MYCBP2: variants seen among roughly 807,000 people sequenced by gnomAD.
MYCBP2 encodes MYC binding protein 2, also known as E3 ubiquitin-protein ligase MYCBP2.
In MYCBP2, 120 loss-of-function variants were observed where a neutral mutation model predicts 525.3. That is an observed-to-expected ratio of 0.23 (90% CI 0.20 to 0.27). The LOEUF (loss-of-function observed/expected upper bound fraction) is 0.27. MYCBP2 is among the 10% of genes least tolerant of loss of function. MYCBP2 has a pLI of 1.00. For synonymous variants in MYCBP2, 1,894 were observed against 1,955.8 expected (o/e 0.97, Z 0.83); for missense variants, 4,149 against 5,657.1 (o/e 0.73, Z 8.55).
At chr13:77,055,094 A>C (rs1050798762) in intron 80 of MYCBP2, among the ~76,000 whole-genome samples, 18 of 152,032 alleles carry the variant, frequency 1.2e-4, no homozygotes, top group Non-Finnish European at 4.4e-5. Context: ...AGTAGGCAAG[A>C]ATGGAGCTCT....
chr13:77,296,211 C>T (rs548835553), intron 2 of MYCBP2, among the ~76,000 whole-genome samples: 14 of 152,078 alleles, frequency 9.2e-5, no homozygotes, highest in East Asian at 1.9e-4. Context: ...CTTGAGCCCA[C>T]GAGTTCGAGA....
At chr13:77,171,091 T>C (rs1042583900) in intron 38 of MYCBP2, among the ~76,000 whole-genome samples, 1 of 152,148 alleles carries the variant, frequency 6.6e-6, no homozygotes, top group South Asian at 2.1e-4. Context: ...GAAAAACTCA[T>C]AGAGCTGAAT....
intron 3 of MYCBP2, among the ~76,000 whole-genome samples, chr13:77,280,418 G>A (rs1206199884): frequency 6.6e-6 from 1 of 152,144 alleles, no homozygotes; most frequent in East Asian, 1.9e-4. Context: ...GTACTTACAG[G>A]AAAGAGAAAT....
intron 35 of MYCBP2, 98 bp downstream of exon 35, chr13:77,177,650 A>G (rs1447770159): frequency 1.0e-6 from 1 of 956,594 alleles, no homozygotes; most frequent in African/African-American, 1.6e-5. Flanking sequence ...GTCATTCATC[A>G]GTGATTGATC....
chr13:77,191,437 T>G (rs2061286749), intron 28 of MYCBP2, among the ~76,000 whole-genome samples: 1 of 152,328 alleles, frequency 6.6e-6, no homozygotes, highest in South Asian at 2.1e-4. Flanking sequence ...GTAAACAATG[T>G]AATACCCAGA....
chr13:77,229,195 T>C (rs565736560), intron 18 of MYCBP2, among the ~76,000 whole-genome samples: 5 of 152,356 alleles, frequency 3.3e-5, no homozygotes, highest in Non-Finnish European at 7.3e-5. Context: ...TTCCTATCTA[T>C]AATATAGCAA....
chr13:77,086,498 TG>T (rs1312160869), intron 62 of MYCBP2, among the ~76,000 whole-genome samples: 1 of 152,116 alleles, frequency 6.6e-6, no homozygotes, highest in Non-Finnish European at 1.5e-5. Flanking sequence ...TAATCAATTC[TG>T]GGAAATTCTC....
chr13:77,076,350 G>C (rs2042294503), intron 68 of MYCBP2, among the ~76,000 whole-genome samples: 1 of 152,164 alleles, frequency 6.6e-6, no homozygotes, highest in Non-Finnish European at 1.5e-5. Context: ...CTCCAGCAGA[G>C]AGAAAACTGC....
chr13:77,290,067 T>C (rs376268218), intron 2 of MYCBP2, among the ~76,000 whole-genome samples: 2 of 151,982 alleles, frequency 1.3e-5, no homozygotes, highest in East Asian at 1.9e-4. Context: ...GGGCAAAAGA[T>C]AGGAATAAAC....
chr13:77,297,755 C>A (rs901568005), intron 1 of MYCBP2, among the ~76,000 whole-genome samples: 33 of 152,280 alleles, frequency 2.2e-4, no homozygotes, highest in African/African-American at 6.7e-4. Context: ...AAATGTTATC[C>A]TTGACATTGC....
intron 56 of MYCBP2, 35 bp from the exon 57 acceptor site, chr13:77,096,516 C>G: frequency 2.5e-6 from 4 of 1,607,114 alleles, no homozygotes; most frequent in Non-Finnish European, 3.4e-6. Context: ...ATTTAACACT[C>G]CAAGTGTCCT....
intron 26 of MYCBP2, among the ~76,000 whole-genome samples, chr13:77,201,168 T>C (rs7997481): frequency 1 from 151,472 of 151,482 alleles, 75,731 homozygotes; most frequent in Middle Eastern, 1. Context: ...CAGAGACGCA[T>C]ATAGGCTCAA....
In MYCBP2 at chr13:77,081,385, T is replaced by C. The variant is rs1308372650; in HGVS notation, c.11418+42A>G. ...ATGAAAGTGCATGAATACTAAGATCTGAAAAGAGCTAAAGAGCCGTAAATC... is the reference window on the plus strand; with the variant it reads ...ATGAAAGTGCATGAATACTAAGATCCGAAAAGAGCTAAAGAGCCGTAAATC... On this transcript the variant is annotated intron_variant, in intron 65 of 82. Transcript: ENST00000544440. This position sits in a 1 kb window ranked among gnomAD's most constrained non-coding sequence, Gnocchi z 4.6. 1 of 1,544,916 alleles carries C rather than the reference T, an allele frequency of 6.5e-7. No individual in the cohort carries two copies. The highest frequency in any genetic ancestry group is 8.9e-7 in the Non-Finnish European group (1 of 1,125,516).
At chr13:77,320,085 A>C (rs1288584679) in intron 1 of MYCBP2, among the ~76,000 whole-genome samples, 1 of 152,068 alleles carries the variant, frequency 6.6e-6, no homozygotes, top group South Asian at 2.1e-4. Context: ...GTTGGGATAG[A>C]CTTCAAGGTT....
chr13:77,166,978 C>CAT (rs2058603905), intron 40 of MYCBP2, among the ~76,000 whole-genome samples: 2 of 3,972 alleles, frequency 5.0e-4, no homozygotes, highest in African/African-American at 7.0e-4. Context: ...CACACACATA[C>CAT]ACACACACAC....
intron 4 of MYCBP2, among the ~76,000 whole-genome samples, chr13:77,278,015 C>G (rs2075813682): frequency 6.6e-6 from 1 of 152,230 alleles, no homozygotes; most frequent in Non-Finnish European, 1.5e-5. Context: ...ATATGAAAGG[C>G]AAGAATCGGA....
intron 4 of MYCBP2, among the ~76,000 whole-genome samples, chr13:77,277,785 A>G (rs2075786996): frequency 6.6e-6 from 1 of 152,218 alleles, no homozygotes; most frequent in Admixed American, 6.5e-5. Flanking sequence ...TGAGAACCAC[A>G]TAATGAGAAC....
At chr13:77,257,976 T>C in intron 13 of MYCBP2, 147 bp from the exon 14 acceptor site, 1 of 617,944 alleles carries the variant, frequency 1.6e-6, no homozygotes, top group South Asian at 2.4e-5. Flanking sequence ...TGGCAGAGTA[T>C]CACTGAATTA....
At chr13:77,275,366 C>T (rs1052567348) in intron 4 of MYCBP2, among the ~76,000 whole-genome samples, 1 of 152,252 alleles carries the variant, frequency 6.6e-6, no homozygotes, top group Non-Finnish European at 1.5e-5. Context: ...TTCCTTCACT[C>T]TCCACATTCT....
Sources: allele counts gnomAD v4.1 joint callset (sites outside exome capture counted in the v4.1 genomes callset), GRCh38; gene constraint gnomAD v4.1.1; non-coding constraint Gnocchi (gnomAD v3.1); transcripts MANE v1.5; gene names NCBI Gene and HGNC (gene_info 2026-07-23, HGNC 2026-07-21).